The following RUNX1 variants were observed in gnomAD, a reference collection of about 807,000 sequenced individuals.
RUNX1 encodes the protein runt-related transcription factor 1.
A neutral mutation model predicts 42.8 loss-of-function variants in RUNX1; 19 were observed. The ratio of observed to expected loss-of-function variants is 0.44; its 90% CI spans 0.31 to 0.65. The LOEUF (loss-of-function observed/expected upper bound fraction) is 0.65. Among genes scored for constraint, RUNX1 ranks in the 30% least tolerant of loss-of-function variants. The pLI is 0.07. For synonymous variants in RUNX1, 271 were observed against 289.4 expected, an observed-to-expected ratio of 0.94 and a Z score of 0.64; for missense variants, 528 against 672.0, an observed-to-expected ratio of 0.79 and a Z score of 2.37.
intron 2 of RUNX1, among the ~76,000 whole-genome samples, chr21:34,999,490 G>A (rs1043858390): frequency 3.8e-4 from 58 of 152,328 alleles, no homozygotes; most frequent in African/African-American, 1.3e-3. Context: ...TTGCTCAACA[G>A]CTGACCCCTG....
intron 2 of RUNX1, among the ~76,000 whole-genome samples, chr21:35,001,032 G>A (rs971246735): frequency 2.0e-4 from 31 of 152,178 alleles, no homozygotes; most frequent in African/African-American, 6.3e-4. Flanking sequence ...GATTTCTTAC[G>A]CTGAAGAACA....
intron 2 of RUNX1, among the ~76,000 whole-genome samples, chr21:34,950,395 C>A (rs2058597812): frequency 6.6e-6 from 1 of 151,938 alleles, no homozygotes; most frequent in Non-Finnish European, 1.5e-5. Flanking sequence ...ACAAAAAGAG[C>A]CTATAAGCAA....
intron 6 of RUNX1, among the ~76,000 whole-genome samples, chr21:34,849,017 A>C (rs1365629685): frequency 6.6e-6 from 1 of 151,484 alleles, no homozygotes; most frequent in Non-Finnish European, 1.5e-5. Context: ...ATACAAAATC[A>C]AACAAGTATC....
chr21:34,816,386 G>A lies in RUNX1; in HGVS notation c.806-16924C>T, dbSNP rs567767433. Among the ~76,000 whole-genome samples, 131 of 151,868 alleles carry A rather than the reference G, an allele frequency of 8.6e-4. 2 individuals are homozygous for A. Among genetic ancestry groups the A allele is most frequent in the East Asian group, 7.2e-3 (37 of 5,138 alleles). On this transcript the variant is annotated intron_variant, in intron 7 of 8. Coordinates refer to ENST00000675419, the MANE Select transcript of RUNX1 (RefSeq NM_001754.5). ...TGCTCTGGGGAGAAGAGTGTGTAGC[G>A]GGTGGGGGCACGCTCAGGGTTGCCT... is the stretch of plus-strand genomic sequence containing the variant.
chr21:34,996,209 G>A (rs996071197), intron 2 of RUNX1, among the ~76,000 whole-genome samples: 3 of 152,116 alleles, frequency 2.0e-5, no homozygotes, highest in Admixed American at 2.0e-4. Context: ...CAGGGGTCAG[G>A]CCTGCCTAAA....
At chr21:34,839,697 G>C (rs1484869544) in intron 6 of RUNX1, among the ~76,000 whole-genome samples, 1 of 152,170 alleles carries the variant, frequency 6.6e-6, no homozygotes, top group African/African-American at 2.4e-5. Context: ...GGTTGGTCTA[G>C]GGTGAAGGGC....
At chr21:35,024,374 A>G (rs990573759) in intron 2 of RUNX1, among the ~76,000 whole-genome samples, 2 of 152,242 alleles carry the variant, frequency 1.3e-5, no homozygotes, top group African/African-American at 4.8e-5. Context: ...TGAGACTTCT[A>G]CAAGAGAGAG....
chr21:34,856,087 G>A (rs561104159), intron 6 of RUNX1, among the ~76,000 whole-genome samples: 2 of 152,268 alleles, frequency 1.3e-5, no homozygotes, highest in South Asian at 2.1e-4. Flanking sequence ...AATTCCCTTT[G>A]GCGTATACTT....
At chr21:35,034,064 T>A (rs2059290505) in intron 2 of RUNX1, among the ~76,000 whole-genome samples, 1 of 152,188 alleles carries the variant, frequency 6.6e-6, no homozygotes, top group African/African-American at 2.4e-5. Flanking sequence ...GGCCTTCTCT[T>A]GAAAAATGCA....
intron 7 of RUNX1, chr21:34,821,659 A>G (rs1344465675): frequency 6.4e-7 from 1 of 1,571,072 alleles, no homozygotes; most frequent in East Asian, 2.3e-5. Flanking sequence ...AGAAGAACTG[A>G]CTTCTGCCTT....
Position 35,027,202 on chromosome 21 carries a change from C to G in RUNX1, c.58+21640G>C, listed in dbSNP as rs2146962347. 1.3e-5 allele frequency among the ~76,000 whole-genome samples: 2 copies of G among 152,308 alleles called. 1 individual carries two copies. Among genetic ancestry groups the G allele is most frequent in the South Asian group, 4.1e-4 (2 of 4,826 alleles). ...CCCCACATGAAACTGATTCCACTAC[C>G]CCATCTCTGCAAGCGTCCAGAGGCA... is the stretch of plus-strand genomic sequence containing the variant. On this transcript the variant is annotated intron_variant, in intron 2 of 8. Transcript: ENST00000675419.
intron 5 of RUNX1, among the ~76,000 whole-genome samples, chr21:34,879,591 T>A (rs2057865396): frequency 6.6e-6 from 1 of 152,190 alleles, no homozygotes; most frequent in African/African-American, 2.4e-5. Context: ...GAACTATTAC[T>A]GTTATTTAGG....
At chr21:34,898,611 C>G (rs1601547538) in intron 2 of RUNX1, among the ~76,000 whole-genome samples, 1 of 152,322 alleles carries the variant, frequency 6.6e-6, no homozygotes, top group East Asian at 1.9e-4. Flanking sequence ...AGCCTCCTAA[C>G]AGCCCACCAG....
rs1336022312 is a variant in RUNX1, at chr21:34,788,773, A to G, written c.*3362T>C. ...AAATGTATACGCTACGGTAAACAAA[A>G]AGGCATTTTGTTCAGATGTAAAATA... On this transcript the variant is annotated 3_prime_UTR_variant, in exon 9 of 9. Transcript: ENST00000675419. The G allele has an allele frequency of 4.3e-6, 1 of 233,506 alleles. No individual in the cohort carries two copies. The highest frequency in any genetic ancestry group is 2.2e-5 in the African/African-American group (1 of 45,352). The allele number at this position is 233,506 out of a possible 1,614,324, so 14.5% of individuals were successfully genotyped here. A position where few individuals can be genotyped will look rare whatever the true frequency, so the allele number is the denominator to read the frequency against.
intron 2 of RUNX1, among the ~76,000 whole-genome samples, chr21:34,893,473 T>G (rs951527152): frequency 4.6e-5 from 7 of 152,202 alleles, no homozygotes; most frequent in Non-Finnish European, 8.8e-5. Flanking sequence ...TTCTAATAGA[T>G]TATATCAATT....
In RUNX1 at chr21:34,787,912, C is replaced by G. The variant is rs1461810835; in HGVS notation, c.*4223G>C. The G allele has an allele frequency of 1.3e-5, 3 of 233,268 alleles. No individual in the cohort carries two copies. Among genetic ancestry groups the G allele is most frequent in the Non-Finnish European group, 2.5e-5 (3 of 118,124 alleles). The allele number at this position is 233,268 out of a possible 1,614,324, so 14.4% of individuals were successfully genotyped here. ...GAGGAAGGCTCTGGTGGCTCCTGAA[C>G]AGCAGCAGTCCAGCTGCCCTGCTCA... is the stretch of plus-strand genomic sequence containing the variant. On this transcript the variant is annotated 3_prime_UTR_variant, in exon 9 of 9. Transcript: ENST00000675419.
Position 34,853,134 on chromosome 21 carries a change from C to T in RUNX1, c.613+6340G>A, listed in dbSNP as rs1043501965. On this transcript the variant is annotated intron_variant, in intron 6 of 8. Coordinates refer to ENST00000675419, the MANE Select transcript of RUNX1 (RefSeq NM_001754.5). ...AAGAAGAGGTCTATGTTGTACAACA[C>T]CCCGGGGTCAGGTCCCCCTTCATGC... Among the ~76,000 whole-genome samples the T allele has an allele frequency of 3.3e-4, 50 of 152,152 alleles. 1 individual carries two copies. Among genetic ancestry groups the T allele is most frequent in the Admixed American group, 2.2e-3 (33 of 15,290 alleles).
At chr21:34,858,757 G>C (rs1176200693) in intron 6 of RUNX1, among the ~76,000 whole-genome samples, 7 of 152,172 alleles carry the variant, frequency 4.6e-5, no homozygotes, top group African/African-American at 1.7e-4. Context: ...TCAGATCCTG[G>C]GGAAGGGTGT....
At chr21:34,951,994 T>C (rs568054582) in intron 2 of RUNX1, among the ~76,000 whole-genome samples, 12 of 152,230 alleles carry the variant, frequency 7.9e-5, no homozygotes, top group African/African-American at 2.6e-4. Context: ...CCATCAATAA[T>C]AGACTGGATA....
Sources: gnomAD v4.1 joint callset for allele counts (sites outside exome capture counted in the v4.1 genomes callset) on GRCh38, gnomAD v4.1.1 for gene constraint, MANE v1.5 for transcripts, NCBI Gene and HGNC (gene_info 2026-07-23, HGNC 2026-07-21) for gene names.